The following WDR86 variants were observed in gnomAD, a reference collection of about 807,000 sequenced individuals.
WDR86 encodes WD repeat domain 86.
WDR86 carries 30 observed loss-of-function variants against 36.5 expected under a neutral mutation model. That is an observed-to-expected ratio of 0.82 (90% confidence interval 0.61 to 1.11). The LOEUF is 1.11. WDR86 is among the 50% of genes most tolerant of loss of function. The pLI, the probability that WDR86 is intolerant of heterozygous loss-of-function variation, is 0.00. For synonymous variants in WDR86, 255 were observed against 252.9 expected, an observed-to-expected ratio of 1.01 and a Z score of -0.08; for missense variants, 545 against 561.2, an observed-to-expected ratio of 0.97 and a Z score of 0.29.
At chr7:151,396,899 G>C (rs1799863168) in intron 2 of WDR86, among the ~76,000 whole-genome samples, 1 of 152,234 alleles carries the variant, frequency 6.6e-6, no homozygotes, top group African/African-American at 2.4e-5. Flanking sequence ...CTGGGGGTTG[G>C]GTAGCCAAGA....
At chr7:151,396,653 C>G (rs911220994) in intron 2 of WDR86, among the ~76,000 whole-genome samples, 1 of 149,342 alleles carries the variant, frequency 6.7e-6, no homozygotes, top group African/African-American at 2.5e-5. Flanking sequence ...GAGTGGGACA[C>G]GCTGGTCACC....
Position 151,381,899 on chromosome 7 carries a change from T to C in WDR86, c.945A>G (p.Thr315=). 1 of 1,610,018 alleles carries C rather than the reference T, an allele frequency of 6.2e-7. No homozygotes were observed. Among genetic ancestry groups the C allele is most frequent in the South Asian group, 1.1e-5 (1 of 90,510 alleles). Residue 315 remains threonine, a synonymous_variant, in exon 5 of 6, where the codon ACA becomes ACG. Coordinates refer to ENST00000334493, the MANE Select transcript of WDR86 (RefSeq NM_198285.3). The surrounding 1 kb of genome is among the most constrained non-coding windows in gnomAD (Gnocchi z 4.8). ...CTACCTGGATGCAGTTGATGATGAA[T>C]GTGTGGCCCCGGAACACCCTCCGCA... ...GELRRVFRGH[T]FIINCIQVHG...
intron 4 of WDR86, among the ~76,000 whole-genome samples, chr7:151,383,074 C>T (rs1049287506): frequency 6.7e-6 from 1 of 149,502 alleles, no homozygotes; most frequent in African/African-American, 2.5e-5. Flanking sequence ...TAACCTTGAA[C>T]TCCTGGGCTC....
chr7:151,389,790 A>G (rs10233139), intron 3 of WDR86, among the ~76,000 whole-genome samples: 91 of 152,336 alleles, frequency 6.0e-4, no homozygotes, highest in African/African-American at 2.1e-3. Context: ...GAAGGAGATG[A>G]GGTGTCATAG....
chr7:151,376,895 T>A, downstream of WDR86: 1 of 1,473,216 alleles, frequency 6.8e-7, no homozygotes, highest in Non-Finnish European at 9.1e-7. Context: ...ACGGCAGATG[T>A]GGAGACTGAG....
chr7:151,393,681 C>T (rs1303834812), intron 3 of WDR86, among the ~76,000 whole-genome samples: 2 of 152,174 alleles, frequency 1.3e-5, no homozygotes, highest in Non-Finnish European at 2.9e-5. Context: ...AGAGCACAGA[C>T]ATGAGCCAGG....
chr7:151,381,849 G>A lies in WDR86; in HGVS notation c.966+29C>T, dbSNP rs1584991061. The A allele has an allele frequency of 6.3e-7, 1 of 1,581,808 alleles. No individual in the cohort carries two copies. The highest frequency in any genetic ancestry group is 1.1e-5 in the South Asian group (1 of 87,284). On this transcript the variant is annotated intron_variant, in intron 5 of 5. Transcript: ENST00000334493. The surrounding 1 kb of genome is among the most constrained non-coding windows in gnomAD (Gnocchi z 4.8). ...CGGGGCACCTTCCCTCCCACGGGCG[G>A]CGGCCCCGAGAAGGGCAGAGGGACC...
rs374861570 is a variant in WDR86, at chr7:151,406,406, G to A, written c.163+3021C>T. 2.1e-3 allele frequency among the ~76,000 whole-genome samples: 317 copies of A among 152,338 alleles called. 2 individuals carry two copies. Among genetic ancestry groups the A allele is most frequent in the African/African-American group, 7.3e-3 (305 of 41,568 alleles). The stretch of plus-strand genomic sequence containing the variant: ...AGAGGTCTCTAGAGGAAAAGCGTAC[G>A]TAGGAGTCGCCAGCCCCAGCCACTC... On this transcript the variant is annotated intron_variant, in intron 1 of 5. Transcript: ENST00000334493. This position sits in a 1 kb window ranked among gnomAD's most constrained non-coding sequence, Gnocchi z 4.4.
At chr7:151,398,491 T>C (rs1208491064) in intron 2 of WDR86, among the ~76,000 whole-genome samples, 2 of 14,728 alleles carry the variant, frequency 1.4e-4, no homozygotes, top group South Asian at 1.2e-3. Flanking sequence ...TGTATGTGTA[T>C]ATGTGTGCGC....
chr7:151,409,437 C>G lies in WDR86; in HGVS notation c.153G>C (p.Ala51=). ...LWSTADGQCC[A]LLQGHESYVT... is the part of the protein sequence containing the mutation. The stretch of plus-strand genomic sequence containing the variant: ...AGTGGGAGGGTCTACCTTGCAGGAG[C>G]GCGCAGCACTGGCCGTCCGCGGTGC... Residue 51 remains alanine, a synonymous_variant, in exon 1 of 6, where the codon GCG becomes GCC. Transcript: ENST00000334493. This position sits in a 1 kb window ranked among gnomAD's most constrained non-coding sequence, Gnocchi z 5.2. The G allele has an allele frequency of 6.4e-7, 1 of 1,550,914 alleles. No homozygotes were observed. Among genetic ancestry groups the G allele is most frequent in the South Asian group, 1.2e-5 (1 of 84,566 alleles).
downstream of WDR86, chr7:151,374,014 C>T (rs753512364): frequency 1.1e-5 from 16 of 1,423,594 alleles, no homozygotes; most frequent in East Asian, 7.5e-5. Flanking sequence ...CCTGGAAATG[C>T]GGAGAATCCT....
At chr7:151,380,028 C>G (rs764087989), downstream of WDR86, among the ~76,000 whole-genome samples, 1 of 152,240 alleles carries the variant, frequency 6.6e-6, no homozygotes, top group Non-Finnish European at 1.5e-5. Flanking sequence ...GCCACAGGCC[C>G]CAATGGCTCC....
At position 151,390,876 on chromosome 7, in the gene WDR86, G is replaced by A. The variant is rs1016683225; in HGVS notation, c.726+4900C>T. On this transcript the variant is annotated intron_variant, in intron 3 of 5. Coordinates refer to ENST00000334493, the MANE Select transcript of WDR86 (RefSeq NM_198285.3). This position sits in a 1 kb window ranked among gnomAD's most constrained non-coding sequence, Gnocchi z 4.5. ...ACACAAAGCAGAAGGGCGGGTGCCC[G>A]GGGCATGGAAGAGCAGCGGGGAGTC... 3.9e-5 allele frequency among the ~76,000 whole-genome samples: 6 copies of A among 152,268 alleles called. No individual in the cohort carries two copies. Among genetic ancestry groups the A allele is most frequent in the South Asian group, 2.1e-4 (1 of 4,832 alleles).
At chr7:151,397,526 C>T (rs969613775) in intron 2 of WDR86, among the ~76,000 whole-genome samples, 3 of 152,088 alleles carry the variant, frequency 2.0e-5, no homozygotes, top group Non-Finnish European at 4.4e-5. Flanking sequence ...CAGGTTCAAG[C>T]GATTCTCCTG....
chr7:151,381,652 G>C lies in WDR86; in HGVS notation c.1061C>G (p.Pro354Arg). The C allele has an allele frequency of 1.4e-6, 2 of 1,398,472 alleles. No individual in the cohort carries two copies. The highest frequency in any genetic ancestry group is 1.8e-6 in the Non-Finnish European group (2 of 1,088,288). The allele number at this position is 1,398,472 out of a possible 1,614,324, so 86.6% of individuals were successfully genotyped here. Residue 354 changes from proline (P) to arginine (R), a missense_variant, in exon 6 of 6, where the codon CCC becomes CGC. Transcript: ENST00000334493. The surrounding 1 kb of genome is among the most constrained non-coding windows in gnomAD (Gnocchi z 4.8). ...GAAGAGCCGCGAGAGGCTGCGCATG[G>C]GCGGAGGGGGCCGCGGGGCACCTCG... ...GLRGAPRPPP[P>R]MRSLSRLFSN... is the part of the protein sequence containing the mutation.
downstream of WDR86, chr7:151,376,661 G>A (rs202096934): frequency 3.2e-4 from 508 of 1,611,522 alleles, no homozygotes; most frequent in African/African-American, 1.5e-3. Context: ...TGATGCACTC[G>A]TGGCCGAAGC....
In WDR86 at chr7:151,395,769, G is replaced by A; in HGVS notation, c.726+7C>T. ...TGGCTGCTGGGCGGGGACCAGGACA[G>A]TCTCACCTCCAGACAGATGACGGAG... On this transcript the variant is annotated splice_region_variant and intron_variant, in intron 3 of 5. Transcript: ENST00000334493. 1.3e-6 allele frequency: 2 copies of A among 1,549,210 alleles called. No individual in the cohort carries two copies. Among genetic ancestry groups the A allele is most frequent in the Non-Finnish European group, 1.7e-6 (2 of 1,147,498 alleles).
At position 151,406,263 on chromosome 7, in the gene WDR86, G is replaced by A. The variant is rs1448105235; in HGVS notation, c.163+3164C>T. 6.6e-6 allele frequency among the ~76,000 whole-genome samples: 1 copy of A among 152,158 alleles called. No individual in the cohort carries two copies. Among genetic ancestry groups the A allele is most frequent in the Non-Finnish European group, 1.5e-5 (1 of 68,028 alleles). ...TCACCCACCAACCCCGCACGCCACAGGGAACGGCCTTCACTCTTCCTCTCC... is the reference window on the plus strand; with the variant it reads ...TCACCCACCAACCCCGCACGCCACAAGGAACGGCCTTCACTCTTCCTCTCC... On this transcript the variant is annotated intron_variant, in intron 1 of 5. Transcript: ENST00000334493. The surrounding 1 kb of genome is among the most constrained non-coding windows in gnomAD (Gnocchi z 4.4).
chr7:151,376,818 C>T (rs1466966389), downstream of WDR86: 2 of 1,574,256 alleles, frequency 1.3e-6, no homozygotes. Context: ...GCAGGTAGGT[C>T]TGAGGTCTTT....
Sources: gnomAD v4.1 joint callset for allele counts (sites outside exome capture counted in the v4.1 genomes callset) on GRCh38, gnomAD v4.1.1 for gene constraint, Gnocchi (gnomAD v3.1) non-coding constraint, MANE v1.5 for transcripts, NCBI Gene and HGNC (gene_info 2026-07-23, HGNC 2026-07-21) for gene names.